The following CCDC85C variants were observed in gnomAD, a reference collection of about 807,000 sequenced individuals.
CCDC85C encodes the protein coiled-coil domain containing 85C, also known as coiled-coil domain-containing protein 85C.
CCDC85C carries 18 observed loss-of-function variants against 38.3 expected under a neutral mutation model. The ratio of observed to expected loss-of-function variants is 0.47; its 90% confidence interval spans 0.33 to 0.70. The LOEUF is 0.70. CCDC85C is among the 30% of genes least tolerant of loss of function. The pLI is 0.03. For missense variants in CCDC85C, 566 were observed against 621.2 expected (o/e 0.91, Z 0.94); for synonymous variants, 264 against 293.8 (o/e 0.90, Z 1.04).
intron 1 of CCDC85C, among the ~76,000 whole-genome samples, chr14:99,551,725 A>G (rs1166677447): frequency 6.9e-6 from 1 of 145,872 alleles, no homozygotes; most frequent in South Asian, 2.2e-4. Context: ...GGGTGGGCAG[A>G]TGGGTGAGCA....
intron 2 of CCDC85C, among the ~76,000 whole-genome samples, chr14:99,527,282 C>A (rs549104277): frequency 2.6e-5 from 4 of 152,292 alleles, no homozygotes; most frequent in South Asian, 2.1e-4. Flanking sequence ...CCAGCCCAAG[C>A]CCAGGGCTGG....
chr14:99,540,709 G>A (rs926168250), intron 1 of CCDC85C, among the ~76,000 whole-genome samples: 3 of 152,316 alleles, frequency 2.0e-5, no homozygotes, highest in East Asian at 1.9e-4. Flanking sequence ...GCTGCCAACC[G>A]GGGAGGAGGG....
At chr14:99,595,261 G>T (rs1210908916) in intron 1 of CCDC85C, among the ~76,000 whole-genome samples, 1 of 151,060 alleles carries the variant, frequency 6.6e-6, no homozygotes, top group Non-Finnish European at 1.5e-5. Context: ...TTTGGTTTTG[G>T]TTTGTTTTGT....
chr14:99,567,679 G>C (rs774063978), intron 1 of CCDC85C, among the ~76,000 whole-genome samples: 1 of 152,124 alleles, frequency 6.6e-6, no homozygotes, highest in East Asian at 1.9e-4. Flanking sequence ...ACAAAAATTA[G>C]CTGGGCATGG....
intron 2 of CCDC85C, among the ~76,000 whole-genome samples, chr14:99,531,300 A>G (rs936807700): frequency 6.6e-6 from 1 of 152,044 alleles, no homozygotes. Context: ...TTGGCGCACA[A>G]TGGAGTCTTC....
chr14:99,572,693 C>G lies in CCDC85C; in HGVS notation c.793+30474G>C, dbSNP rs989045197. On this transcript the variant is annotated intron_variant, in intron 1 of 5. Transcript: ENST00000380243. The surrounding 1 kb of genome is among the most constrained non-coding windows in gnomAD (Gnocchi z 4.4). The stretch of plus-strand genomic sequence containing the variant: ...CTTAAGAGGCCTCCCCTGCCACCAT[C>G]TGTTTTCTGCTCTTCCTAGCACTCA... 1.5e-5 allele frequency: 7 copies of G among 456,082 alleles called. No homozygotes were observed. Among genetic ancestry groups the G allele is most frequent in the African/African-American group, 1.4e-4 (7 of 50,184 alleles). The allele number at this position is 456,082 out of a possible 1,614,324, so 28.3% of individuals were successfully genotyped here.
intron 1 of CCDC85C, among the ~76,000 whole-genome samples, chr14:99,551,349 GTGAATGAGTGAGCAGGTA>G (rs1897902899): frequency 6.6e-6 from 1 of 152,228 alleles, no homozygotes; most frequent in Admixed American, 6.5e-5. Flanking sequence ...AGGTGAACAG[GTGAATGAGTGAGCAGGTA>G]GGTGTGCAGG....
In CCDC85C at chr14:99,514,485, G is replaced by A. The variant is rs926828339; in HGVS notation, c.*761C>T. On this transcript the variant is annotated 3_prime_UTR_variant, in exon 6 of 6. Transcript: ENST00000380243. ...GTTACTGGCCTGTCATGTAAACCAC[G>A]AAAAGGGACGTGCCTCAGGCATGGG... is the stretch of plus-strand genomic sequence containing the variant. 1.3e-5 allele frequency: 2 copies of A among 152,210 alleles called. No individual in the cohort carries two copies. The highest frequency in any genetic ancestry group is 2.9e-5 in the Non-Finnish European group (2 of 68,166). 9.4% of individuals were successfully genotyped at this position (152,210 alleles called of 1,614,324 possible). A position where few individuals can be genotyped will look rare whatever the true frequency, so the allele number is the denominator to read the frequency against.
rs1595335916 is a variant in CCDC85C, at chr14:99,516,407, G to A, written c.1072-121C>T. ...CCAAAGCTGAGGACCCTGAGCCGCT[G>A]GGCCCCTGGGGACAAGCGTGGAAAA... On this transcript the variant is annotated intron_variant, in intron 4 of 5. Coordinates refer to ENST00000380243, the MANE Select transcript of CCDC85C (RefSeq NM_001144995.2). This position sits in a 1 kb window ranked among gnomAD's most constrained non-coding sequence, Gnocchi z 5.5. 4.4e-6 allele frequency: 3 copies of A among 686,558 alleles called. No homozygotes were observed. Among genetic ancestry groups the A allele is most frequent in the East Asian group, 5.5e-5 (2 of 36,540 alleles). 42.5% of individuals were successfully genotyped at this position (686,558 alleles called of 1,614,324 possible).
chr14:99,600,789 C>T lies in CCDC85C; in HGVS notation c.793+2378G>A, dbSNP rs367574524. On this transcript the variant is annotated intron_variant, in intron 1 of 5. Transcript: ENST00000380243. The stretch of plus-strand genomic sequence containing the variant: ...GTGTCTGACCCCACTTTAGACACCA[C>T]CCAGACAGAGACTCATTATCTCCCT... Among the ~76,000 whole-genome samples, 4 of 152,244 alleles carry T rather than the reference C, an allele frequency of 2.6e-5. No individual in the cohort carries two copies. In the East Asian group the frequency reaches 5.8e-4, roughly 22 times the overall value.
At chr14:99,585,276 A>G (rs2055014428) in intron 1 of CCDC85C, among the ~76,000 whole-genome samples, 1 of 152,206 alleles carries the variant, frequency 6.6e-6, no homozygotes, top group South Asian at 2.1e-4. Flanking sequence ...TTCCTACAAT[A>G]AACAGGAAAT....
At position 99,509,937 on chromosome 14, in the gene CCDC85C, C is replaced by G; in HGVS notation, c.*5309G>C. The stretch of plus-strand genomic sequence containing the variant: ...GTGGTCAGGGCTGAGGGAGGGAAAA[C>G]CCCAGGTCGTCGCAGACAGGGTGGA... On this transcript the variant is annotated 3_prime_UTR_variant, in exon 6 of 6. Coordinates refer to ENST00000380243, the MANE Select transcript of CCDC85C (RefSeq NM_001144995.2). 3.4e-6 allele frequency: 2 copies of G among 596,438 alleles called. No homozygotes were observed. Among genetic ancestry groups the G allele is most frequent in the Non-Finnish European group, 5.9e-6 (2 of 336,888 alleles). The allele number at this position is 596,438 out of a possible 1,614,324, so 36.9% of individuals were successfully genotyped here. A position where few individuals can be genotyped will look rare whatever the true frequency, so the allele number is the denominator to read the frequency against.
intron 2 of CCDC85C, among the ~76,000 whole-genome samples, chr14:99,532,670 C>T (rs1015266313): frequency 2.6e-5 from 4 of 152,122 alleles, no homozygotes; most frequent in Admixed American, 6.5e-5. Context: ...TCCCTCACCC[C>T]GTCTCTCTGT....
chr14:99,531,295 G>A (rs1025380352), intron 2 of CCDC85C, among the ~76,000 whole-genome samples: 4 of 152,034 alleles, frequency 2.6e-5, no homozygotes, highest in African/African-American at 9.7e-5. Context: ...CTTTTTTGGC[G>A]CACAATGGAG....
intron 1 of CCDC85C, among the ~76,000 whole-genome samples, chr14:99,551,693 G>A (rs1370985653): frequency 1.3e-5 from 2 of 151,012 alleles, no homozygotes; most frequent in Admixed American, 1.3e-4. Context: ...TGAGAGGTGA[G>A]TGTGCAGGTG....
rs749646615 is a variant in CCDC85C at position 99,507,085 on chromosome 14, C to T, written c.*8161G>A. ...TGCTTTTTCTTTGTAGAACCACCACCACCTAAAATCCCCAAAATTGAGACC... is the reference window on the plus strand; with the variant it reads ...TGCTTTTTCTTTGTAGAACCACCACTACCTAAAATCCCCAAAATTGAGACC... On this transcript the variant is annotated 3_prime_UTR_variant, in exon 6 of 6. Transcript: ENST00000380243. 2 of 1,606,262 alleles carry T rather than the reference C, an allele frequency of 1.2e-6. No individual in the cohort carries two copies. Among genetic ancestry groups the T allele is most frequent in the Admixed American group, 3.3e-5 (2 of 60,008 alleles).
In CCDC85C at chr14:99,603,256, G is replaced by A. The variant is rs927008761; in HGVS notation, c.704C>T (p.Ala235Val). 4.3e-6 allele frequency: 6 copies of A among 1,390,866 alleles called. No homozygotes were observed. The highest frequency in any genetic ancestry group is 1.5e-5 in the African/African-American group (1 of 65,888). 86.2% of individuals were successfully genotyped at this position (1,390,866 alleles called of 1,614,324 possible). The change falls in exon 1 of 6, where the codon GCC becomes GTC. Residue 235 changes from alanine (A) to valine (V), a missense_variant. Ala to Val is a moderately conservative substitution (Grantham distance 64). Transcript: ENST00000380243. The surrounding 1 kb of genome is among the most constrained non-coding windows in gnomAD (Gnocchi z 7.5). ...TGTGGCTCCTGCCTTGCCGTCGGGG[G>A]CCTTGTGCGGCCCGGGGGGCAGCAG... Reference protein sequence around the residue: ...PPLLPPGPHKAPDGKAGATRR... With the variant: ...PPLLPPGPHKVPDGKAGATRR...
At chr14:99,586,968 G>C (rs533067195) in intron 1 of CCDC85C, among the ~76,000 whole-genome samples, 1 of 152,172 alleles carries the variant, frequency 6.6e-6, no homozygotes, top group African/African-American at 2.4e-5. Flanking sequence ...CCCTCCTACC[G>C]GGGACCTGCT....
chr14:99,599,653 G>A (rs2055178793), intron 1 of CCDC85C, among the ~76,000 whole-genome samples: 1 of 152,136 alleles, frequency 6.6e-6, no homozygotes, highest in Admixed American at 6.5e-5. Context: ...ACTTTGGGAG[G>A]CCAAGGCAGG....
Sources: gnomAD v4.1 joint callset for allele counts (sites outside exome capture counted in the v4.1 genomes callset) on GRCh38, gnomAD v4.1.1 for gene constraint, Gnocchi (gnomAD v3.1) non-coding constraint, MANE v1.5 for transcripts, NCBI Gene and HGNC (gene_info 2026-07-23, HGNC 2026-07-21) for gene names.